The following PPP1R9A variants were observed in gnomAD, a reference collection of about 807,000 sequenced individuals.
PPP1R9A encodes the protein neurabin-1.
PPP1R9A carries 59 observed loss-of-function variants against 141.9 expected under a neutral mutation model. That is an observed-to-expected ratio of 0.42 (90% CI 0.34 to 0.52). The LOEUF (loss-of-function observed/expected upper bound fraction) is 0.52. PPP1R9A is among the 20% of genes least tolerant of loss of function. The pLI is 0.10. For missense variants in PPP1R9A, 1,444 were observed against 1,611.9 expected (o/e 0.90, Z 1.78); for synonymous variants, 500 against 569.7 (o/e 0.88, Z 1.74).
At chr7:94,968,407 C>T (rs1798476458) in intron 2 of PPP1R9A, among the ~76,000 whole-genome samples, 1 of 152,092 alleles carries the variant, frequency 6.6e-6, no homozygotes, top group Non-Finnish European at 1.5e-5. Context: ...CTCCTGACCT[C>T]GTGATCCACC....
intron 2 of PPP1R9A, among the ~76,000 whole-genome samples, chr7:95,008,676 A>G (rs1256247901): frequency 6.6e-6 from 1 of 152,132 alleles, no homozygotes; most frequent in African/African-American, 2.4e-5. Flanking sequence ...CTGCTTTCCT[A>G]AAAGCAGTGG....
At chr7:94,997,134 G>C (rs1802299595) in intron 2 of PPP1R9A, among the ~76,000 whole-genome samples, 1 of 151,998 alleles carries the variant, frequency 6.6e-6, no homozygotes, top group South Asian at 2.1e-4. Context: ...GTCTCTAAAA[G>C]TTCCATTTTC....
chr7:95,058,640 G>A (rs1811808250), intron 2 of PPP1R9A, among the ~76,000 whole-genome samples: 1 of 152,180 alleles, frequency 6.6e-6, no homozygotes, highest in South Asian at 2.1e-4. Context: ...ATAGTCAAAT[G>A]TGCTGAAGCT....
intron 5 of PPP1R9A, among the ~76,000 whole-genome samples, chr7:95,197,304 T>C (rs1305908693): frequency 6.6e-6 from 1 of 152,154 alleles, no homozygotes; most frequent in Non-Finnish European, 1.5e-5. Context: ...CATATTAGTG[T>C]GAAAAGATGT....
intron 4 of PPP1R9A, among the ~76,000 whole-genome samples, chr7:95,138,733 T>C (rs1205805070): frequency 6.6e-6 from 1 of 152,234 alleles, no homozygotes; most frequent in African/African-American, 2.4e-5. Context: ...GGAAAACTTA[T>C]GACTGGCCAA....
At chr7:95,167,990 A>C (rs1229675057) in intron 5 of PPP1R9A, among the ~76,000 whole-genome samples, 1 of 152,186 alleles carries the variant, frequency 6.6e-6, no homozygotes, top group Non-Finnish European at 1.5e-5. Context: ...CTACTGATTC[A>C]GTACAATCCC....
At chr7:95,173,644 T>A (rs958602236) in intron 5 of PPP1R9A, among the ~76,000 whole-genome samples, 1 of 152,084 alleles carries the variant, frequency 6.6e-6, no homozygotes, top group Non-Finnish European at 1.5e-5. Context: ...AGAACTCTTG[T>A]AATTCAATAA....
intron 12 of PPP1R9A, among the ~76,000 whole-genome samples, chr7:95,255,157 T>C (rs1315197147): frequency 6.6e-6 from 1 of 152,120 alleles, no homozygotes; most frequent in Non-Finnish European, 1.5e-5. Flanking sequence ...ATGCTTGTCA[T>C]TTCTTAGTGC....
chr7:94,926,546 A>G (rs1382615045), intron 2 of PPP1R9A, among the ~76,000 whole-genome samples: 3 of 152,218 alleles, frequency 2.0e-5, no homozygotes, highest in African/African-American at 7.2e-5. Context: ...ATGTGAGTGT[A>G]TCTATATTCT....
rs79152795 is a variant in PPP1R9A, at chr7:95,196,282, A to C, written c.1755-2067A>C. Among the ~76,000 whole-genome samples the C allele has an allele frequency of 2.3e-3, 350 of 152,286 alleles. 5 individuals carry two copies. In the East Asian group the frequency reaches 0.026, roughly 11 times the overall value. On this transcript the variant is annotated intron_variant, in intron 5 of 19. Transcript: ENST00000433360. ...AATTAAAAACATTATGAAATACCACAAGATACCTACTAGAATGGCCAAAAT... is the reference window on the plus strand; with the variant it reads ...AATTAAAAACATTATGAAATACCACCAGATACCTACTAGAATGGCCAAAAT...
intron 9 of PPP1R9A, 123 bp downstream of exon 9, chr7:95,247,649 C>G (rs191685692): frequency 3.9e-6 from 3 of 768,870 alleles, no homozygotes; most frequent in Admixed American, 3.1e-5. Context: ...GTGATAGATT[C>G]ATTTTCACTG....
At chr7:95,261,831 T>A (rs1194203143) in intron 12 of PPP1R9A, among the ~76,000 whole-genome samples, 1 of 152,190 alleles carries the variant, frequency 6.6e-6, no homozygotes, top group Non-Finnish European at 1.5e-5. Flanking sequence ...ACTTAAAAAA[T>A]TCTTATACAT....
intron 4 of PPP1R9A, among the ~76,000 whole-genome samples, chr7:95,127,451 TTC>T (rs1486707727): frequency 2.6e-5 from 4 of 152,096 alleles, no homozygotes; most frequent in South Asian, 4.1e-4. Context: ...TCGTTACTGT[TTC>T]TGTTGCATGG....
intron 2 of PPP1R9A, among the ~76,000 whole-genome samples, chr7:95,103,246 TATTA>T (rs1269571360): frequency 6.6e-6 from 1 of 151,738 alleles, no homozygotes; most frequent in East Asian, 1.9e-4. Flanking sequence ...CATATAAAGA[TATTA>T]ATTCTATTTT....
At chr7:95,163,856 C>T (rs1289991761) in intron 5 of PPP1R9A, among the ~76,000 whole-genome samples, 2 of 152,192 alleles carry the variant, frequency 1.3e-5, no homozygotes, top group East Asian at 3.9e-4. Context: ...TCTCCTGCCT[C>T]AGCCTCGCAA....
intron 2 of PPP1R9A, among the ~76,000 whole-genome samples, chr7:94,966,633 G>T (rs1239395004): frequency 6.6e-6 from 1 of 152,172 alleles, no homozygotes; most frequent in Non-Finnish European, 1.5e-5. Flanking sequence ...ATTTGCCTGT[G>T]TTGAACCAGC....
intron 2 of PPP1R9A, among the ~76,000 whole-genome samples, chr7:94,955,044 T>A (rs1372588525): frequency 6.6e-6 from 1 of 152,026 alleles, no homozygotes; most frequent in African/African-American, 2.4e-5. Flanking sequence ...CAGATAATTC[T>A]TACTGTCATT....
intron 4 of PPP1R9A, among the ~76,000 whole-genome samples, chr7:95,136,559 A>G (rs1197829282): frequency 6.6e-6 from 1 of 152,246 alleles, no homozygotes; most frequent in Non-Finnish European, 1.5e-5. Context: ...TGAGAAAATA[A>G]CATTTTAAAT....
intron 2 of PPP1R9A, among the ~76,000 whole-genome samples, chr7:95,106,904 A>G (rs1245859455): frequency 1.3e-5 from 2 of 151,988 alleles, no homozygotes; most frequent in African/African-American, 4.8e-5. Context: ...GGTTCAAGCA[A>G]TTCTGCCACA....
Sources: allele counts gnomAD v4.1 joint callset (sites outside exome capture counted in the v4.1 genomes callset), GRCh38; gene constraint gnomAD v4.1.1; transcripts MANE v1.5; gene names NCBI Gene and HGNC (gene_info 2026-07-23, HGNC 2026-07-21).